The following RALA variants were observed in gnomAD, a reference collection of about 807,000 sequenced individuals.
RALA encodes RAS like proto-oncogene A.
A neutral mutation model predicts 24.0 loss-of-function variants in RALA; 5 were observed. The observed-to-expected ratio is 0.21, with a 90% CI of 0.11 to 0.44. The LOEUF (loss-of-function observed/expected upper bound fraction) is 0.44. RALA is among the 20% of genes least tolerant of loss of function. The probability of loss-of-function intolerance (pLI) is 0.99; values close to 1 mark genes in which losing one functional copy is unlikely to be tolerated. For missense variants in RALA, 95 were observed against 241.2 expected, an observed-to-expected ratio of 0.39 and a Z score of 4.01; for synonymous variants, 77 against 83.8, an observed-to-expected ratio of 0.92 and a Z score of 0.44.
chr7:39,673,124 G>A (rs933068505), intron 1 of RALA, among the ~76,000 whole-genome samples: 5 of 152,074 alleles, frequency 3.3e-5, no homozygotes, highest in South Asian at 2.1e-4. Flanking sequence ...AGAGACGGAG[G>A]TTGCAGTGAG....
At chr7:39,669,114 A>G (rs1354300954) in intron 1 of RALA, among the ~76,000 whole-genome samples, 3 of 152,166 alleles carry the variant, frequency 2.0e-5, no homozygotes, top group Admixed American at 2.0e-4. Context: ...TTCTGTCTGA[A>G]TAAATAAATA....
At chr7:39,666,224 T>C (rs1451086508) in intron 1 of RALA, among the ~76,000 whole-genome samples, 1 of 152,168 alleles carries the variant, frequency 6.6e-6, no homozygotes, top group Non-Finnish European at 1.5e-5. Flanking sequence ...AAAAAATGTA[T>C]ACTGGGTGTC....
rs572494637 is a variant in RALA at position 39,706,423 on chromosome 7, T to C, written c.*178T>C. The C allele has an allele frequency of 1.9e-4, 114 of 602,120 alleles. No homozygotes were observed. Among genetic ancestry groups the C allele is most frequent in the African/African-American group, 1.9e-3 (97 of 51,792 alleles). The allele number at this position is 602,120 out of a possible 1,614,324, so 37.3% of individuals were successfully genotyped here. The stretch of plus-strand genomic sequence containing the variant: ...AATTTACTTTAAAAAGAAATTAATA[T>C]GGCTTCACCAAGAAGCAAAGTTCAA... On this transcript the variant is annotated 3_prime_UTR_variant, in exon 5 of 5. Transcript: ENST00000005257.
chr7:39,694,544 A>T (rs1792884006), intron 3 of RALA, among the ~76,000 whole-genome samples: 1 of 152,202 alleles, frequency 6.6e-6, no homozygotes, highest in African/African-American at 2.4e-5. Flanking sequence ...TAATAATGAT[A>T]CTAACTTCAT....
At chr7:39,656,431 T>C (rs1422430248) in intron 1 of RALA, among the ~76,000 whole-genome samples, 1 of 152,220 alleles carries the variant, frequency 6.6e-6, no homozygotes, top group African/African-American at 2.4e-5. Context: ...GGATTAGTTA[T>C]GACTCTATGA....
chr7:39,680,855 C>T (rs777778733), intron 1 of RALA, among the ~76,000 whole-genome samples: 3 of 152,070 alleles, frequency 2.0e-5, no homozygotes, highest in Non-Finnish European at 2.9e-5. Context: ...ATATTCTGTT[C>T]TATTGATCTA....
At chr7:39,689,687 C>A (rs1009994556) in intron 2 of RALA, among the ~76,000 whole-genome samples, 2 of 152,204 alleles carry the variant, frequency 1.3e-5, no homozygotes, top group African/African-American at 4.8e-5. Context: ...GAGACCAAGG[C>A]AGTAGGATTA....
intron 4 of RALA, among the ~76,000 whole-genome samples, chr7:39,699,718 C>T (rs868200014): frequency 2.6e-5 from 4 of 152,202 alleles, no homozygotes; most frequent in Non-Finnish European, 5.9e-5. Context: ...CACATACATA[C>T]ACATTATCTA....
chr7:39,641,856 T>C (rs1193563565), intron 1 of RALA, among the ~76,000 whole-genome samples: 1 of 152,202 alleles, frequency 6.6e-6, no homozygotes, highest in Non-Finnish European at 1.5e-5. Context: ...TAGATATAAC[T>C]GGAATTTGTT....
intron 1 of RALA, among the ~76,000 whole-genome samples, chr7:39,634,420 T>A (rs145707310): frequency 6.2e-4 from 94 of 152,340 alleles, no homozygotes; most frequent in Non-Finnish European, 9.8e-4. Context: ...GCTACCCTGA[T>A]GGCACACTTC....
Position 39,675,796 on chromosome 7 carries a change from A to G in RALA, c.-37-10835A>G, listed in dbSNP as rs921709290. Among the ~76,000 whole-genome samples the G allele has an allele frequency of 1.8e-4, 27 of 151,156 alleles. 1 individual carries two copies. Among genetic ancestry groups the G allele is most frequent in the Admixed American group, 1.3e-3 (20 of 15,174 alleles). ...TCCTTTTCTTGGTCATGTATATTCTACCTCTTCTGAAATTGTTCATTTTAT... is the reference window on the plus strand; with the variant it reads ...TCCTTTTCTTGGTCATGTATATTCTGCCTCTTCTGAAATTGTTCATTTTAT... On this transcript the variant is annotated intron_variant, in intron 1 of 4. Coordinates refer to ENST00000005257, the MANE Select transcript of RALA (RefSeq NM_005402.4).
chr7:39,661,688 T>C (rs1327844392), intron 1 of RALA, among the ~76,000 whole-genome samples: 1 of 152,242 alleles, frequency 6.6e-6, no homozygotes, highest in African/African-American at 2.4e-5. Context: ...CCCTTCTGGC[T>C]GCTTTCATGA....
Position 39,685,922 on chromosome 7 carries a change from G to T in RALA, c.-37-709G>T, listed in dbSNP as rs1039152410. 2.0e-5 allele frequency among the ~76,000 whole-genome samples: 3 copies of T among 152,130 alleles called. No individual in the cohort carries two copies. In the East Asian group the frequency reaches 5.8e-4, roughly 29 times the overall value. ...GTTTCTTACTCAAGAGAAACATCTT[G>T]GTCGGGGGTGCGGTGGCTCACGCCT... is the stretch of plus-strand genomic sequence containing the variant. On this transcript the variant is annotated intron_variant, in intron 1 of 4. Transcript: ENST00000005257.
At chr7:39,631,626 A>G (rs1791601033) in intron 1 of RALA, among the ~76,000 whole-genome samples, 1 of 152,224 alleles carries the variant, frequency 6.6e-6, no homozygotes, top group Non-Finnish European at 1.5e-5. Flanking sequence ...AATGGTTTAT[A>G]GTTTTCTTCA....
intron 4 of RALA, 65 bp downstream of exon 4, chr7:39,696,924 A>G (rs1262781778): frequency 6.9e-7 from 1 of 1,441,294 alleles, no homozygotes; most frequent in Non-Finnish European, 9.4e-7. Context: ...ACTTGGCTCC[A>G]TTTTGTCTGG....
intron 2 of RALA, among the ~76,000 whole-genome samples, chr7:39,689,574 T>TA (rs1485848086): frequency 6.6e-6 from 1 of 152,086 alleles, no homozygotes; most frequent in South Asian, 2.1e-4. Flanking sequence ...CAAGAGCTAA[T>TA]AAAAAACCCA....
chr7:39,688,963 G>A lies in RALA; in HGVS notation c.115-1419G>A, dbSNP rs2116078605. Among the ~76,000 whole-genome samples the A allele has an allele frequency of 1.3e-5, 2 of 152,170 alleles. 1 individual carries two copies. The highest frequency in any genetic ancestry group is 4.1e-4 in the South Asian group (2 of 4,820). On this transcript the variant is annotated intron_variant, in intron 2 of 4. Transcript: ENST00000005257. ...CTCACATGTTGGGACAGGGGAGGGA[G>A]AGAGAGAGAGTGTGAGCGAGCACAC...
chr7:39,633,774 C>G (rs1791639504), intron 1 of RALA, among the ~76,000 whole-genome samples: 1 of 152,142 alleles, frequency 6.6e-6, no homozygotes, highest in African/African-American at 2.4e-5. Flanking sequence ...TTATGCGAAT[C>G]CACTCATCTG....
chr7:39,639,667 C>T (rs1791746695), intron 1 of RALA, among the ~76,000 whole-genome samples: 1 of 152,130 alleles, frequency 6.6e-6, no homozygotes, highest in Non-Finnish European at 1.5e-5. Context: ...TGATCATAGA[C>T]TTTACAGATT....
Sources: gnomAD v4.1 joint callset for allele counts (sites outside exome capture counted in the v4.1 genomes callset) on GRCh38, gnomAD v4.1.1 for gene constraint, MANE v1.5 for transcripts, NCBI Gene and HGNC (gene_info 2026-07-23, HGNC 2026-07-21) for gene names.